ZBTB7C: variants seen among roughly 807,000 people sequenced by gnomAD.
ZBTB7C encodes the protein zinc finger and BTB domain containing 7C, also known as zinc finger and BTB domain-containing protein 7C.
ZBTB7C carries 8 observed loss-of-function variants against 25.7 expected under a neutral mutation model. The observed-to-expected ratio is 0.31, with a 90% CI of 0.18 to 0.56. The LOEUF (loss-of-function observed/expected upper bound fraction) is 0.56. ZBTB7C is among the 20% of genes least tolerant of loss of function. The pLI, the probability that ZBTB7C is intolerant of heterozygous loss-of-function variation, is 0.91. For missense variants in ZBTB7C, 824 were observed against 855.2 expected (o/e 0.96, Z 0.46); for synonymous variants, 394 against 369.0 (o/e 1.07, Z -0.78).
intron 3 of ZBTB7C, among the ~76,000 whole-genome samples, chr18:48,083,325 A>G (rs1481602157): frequency 6.6e-6 from 1 of 152,070 alleles, no homozygotes; most frequent in Non-Finnish European, 1.5e-5. Context: ...AGGGGCTGTA[A>G]TTGATGCCAA....
At chr18:48,055,019 A>G (rs2036855844) in intron 3 of ZBTB7C, among the ~76,000 whole-genome samples, 1 of 152,174 alleles carries the variant, frequency 6.6e-6, no homozygotes, top group East Asian at 1.9e-4. Context: ...GTAAGTCTAT[A>G]GAAAATACCT....
intron 3 of ZBTB7C, among the ~76,000 whole-genome samples, chr18:48,141,147 C>CA (rs1194522189): frequency 1.5e-4 from 3 of 19,550 alleles, no homozygotes; most frequent in Non-Finnish European, 3.4e-4. Flanking sequence ...CCCCGCACCA[C>CA]CCCCCCCACT....
intron 3 of ZBTB7C, among the ~76,000 whole-genome samples, chr18:48,121,910 C>A (rs574069953): frequency 2.6e-5 from 4 of 152,228 alleles, no homozygotes; most frequent in Admixed American, 2.0e-4. Flanking sequence ...GTGTTCTCAC[C>A]AAGCAGCAGC....
intron 3 of ZBTB7C, among the ~76,000 whole-genome samples, chr18:48,061,703 A>C (rs765889939): frequency 1.3e-5 from 2 of 152,198 alleles, no homozygotes; most frequent in Non-Finnish European, 2.9e-5. Flanking sequence ...TCCAAAAAGG[A>C]TGCTTATTTT....
intron 2 of ZBTB7C, among the ~76,000 whole-genome samples, chr18:48,288,067 A>G (rs550406622): frequency 2.6e-5 from 4 of 152,380 alleles, no homozygotes; most frequent in Admixed American, 1.3e-4. Flanking sequence ...CATTAAGGCA[A>G]AAAGAAATAA....
At chr18:48,130,230 A>C (rs760730663) in intron 3 of ZBTB7C, among the ~76,000 whole-genome samples, 3 of 152,192 alleles carry the variant, frequency 2.0e-5, no homozygotes, top group Non-Finnish European at 4.4e-5. Flanking sequence ...TGAGGACAGA[A>C]ATGGAGCTTT....
At chr18:48,266,195 T>A (rs2144542471) in intron 2 of ZBTB7C, among the ~76,000 whole-genome samples, 1 of 152,252 alleles carries the variant, frequency 6.6e-6, no homozygotes, top group Admixed American at 6.5e-5. Flanking sequence ...TTAGAGAGGT[T>A]TAAGTGGTCG....
At chr18:48,050,414 G>C (rs1167341891) in intron 3 of ZBTB7C, among the ~76,000 whole-genome samples, 1 of 152,196 alleles carries the variant, frequency 6.6e-6, no homozygotes, top group African/African-American at 2.4e-5. Context: ...ACCCCAGGCA[G>C]AGCGCCCACA....
intron 3 of ZBTB7C, among the ~76,000 whole-genome samples, chr18:48,063,173 C>T (rs1469162532): frequency 6.6e-6 from 1 of 152,244 alleles, no homozygotes; most frequent in Non-Finnish European, 1.5e-5. Context: ...CCAGAAACCC[C>T]CTCTGTCTCA....
At position 48,230,221 on chromosome 18, in the gene ZBTB7C, T is replaced by G. The variant is rs142917823; in HGVS notation, c.-78-44226A>C. On this transcript the variant is annotated intron_variant, in intron 2 of 4. Coordinates refer to ENST00000590800, the MANE Select transcript of ZBTB7C (RefSeq NM_001318841.2). ...CCCTGAAGAAGGCTTGAAAGCTTCATCCACCAGTCCTCTCCCCAACACAGC... is the reference window on the plus strand; with the variant it reads ...CCCTGAAGAAGGCTTGAAAGCTTCAGCCACCAGTCCTCTCCCCAACACAGC... Among the ~76,000 whole-genome samples, 386 of 152,338 alleles carry G rather than the reference T, an allele frequency of 2.5e-3. 2 individuals are homozygous for G. The highest frequency in any genetic ancestry group is 8.9e-3 in the African/African-American group (368 of 41,578).
intron 2 of ZBTB7C, among the ~76,000 whole-genome samples, chr18:48,243,006 A>G (rs6507828): frequency 0.98 from 148,634 of 152,180 alleles, 72,678 homozygotes; most frequent in Middle Eastern, 1. Context: ...GCTCATGCCC[A>G]TAATCCTAAC....
chr18:48,158,278 C>T (rs1407147729), intron 3 of ZBTB7C, among the ~76,000 whole-genome samples: 1 of 152,142 alleles, frequency 6.6e-6, no homozygotes, highest in African/African-American at 2.4e-5. Flanking sequence ...GGCAGGGCTG[C>T]GAAGATGTCA....
At position 48,367,283 on chromosome 18, in the gene ZBTB7C, A is replaced by AT. The variant is rs1568404252; in HGVS notation, c.-303-28886_-303-28885insA. Among the ~76,000 whole-genome samples the AT allele has an allele frequency of 6.8e-5, 8 of 116,820 alleles. No individual in the cohort carries two copies. In the East Asian group the frequency reaches 1.6e-3, roughly 23 times the overall value. 76.6% of individuals were successfully genotyped at this position (116,820 alleles called of 152,430 possible). On this transcript the variant is annotated intron_variant, in intron 1 of 4. Transcript: ENST00000590800. ...TAGTATATATGTATATGTATATGTA[A>AT]ATATGTATCTATACATATATGTATA...
intron 2 of ZBTB7C, among the ~76,000 whole-genome samples, chr18:48,281,179 T>C (rs1325703721): frequency 6.6e-6 from 1 of 152,072 alleles, no homozygotes; most frequent in Non-Finnish European, 1.5e-5. Flanking sequence ...TTAAAATCTT[T>C]GACAAACCTG....
At chr18:48,319,049 G>A (rs1251954972) in intron 2 of ZBTB7C, among the ~76,000 whole-genome samples, 3 of 151,960 alleles carry the variant, frequency 2.0e-5, no homozygotes, top group Non-Finnish European at 2.9e-5. Flanking sequence ...GAGTAAGGTC[G>A]CTTTCTCCTA....
intron 4 of ZBTB7C, among the ~76,000 whole-genome samples, chr18:48,038,782 G>A (rs2036086696): frequency 6.6e-6 from 1 of 152,112 alleles, no homozygotes; most frequent in African/African-American, 2.4e-5. Flanking sequence ...ACAGTGGCAG[G>A]GTGGGGAAGG....
At chr18:48,346,021 A>G (rs2046722860) in intron 1 of ZBTB7C, among the ~76,000 whole-genome samples, 2 of 152,216 alleles carry the variant, frequency 1.3e-5, no homozygotes, top group Non-Finnish European at 2.9e-5. Flanking sequence ...TTTTCTAGAC[A>G]ACTGAACAAC....
intron 2 of ZBTB7C, among the ~76,000 whole-genome samples, chr18:48,203,171 C>T (rs1196968387): frequency 6.6e-6 from 1 of 152,168 alleles, no homozygotes; most frequent in East Asian, 1.9e-4. Flanking sequence ...GGGCCTCACT[C>T]AGTCTCCCTC....
intron 3 of ZBTB7C, among the ~76,000 whole-genome samples, chr18:48,152,472 TGATA>T (rs368887298): frequency 1.8e-4 from 28 of 152,278 alleles, no homozygotes; most frequent in East Asian, 9.6e-4. Context: ...GATGGACAGA[TGATA>T]GATAGAACAG....
Sources: gnomAD v4.1 joint callset for allele counts (sites outside exome capture counted in the v4.1 genomes callset) on GRCh38, gnomAD v4.1.1 for gene constraint, MANE v1.5 for transcripts, NCBI Gene and HGNC (gene_info 2026-07-23, HGNC 2026-07-21) for gene names.